The following SMIM9 variants were observed in gnomAD, a reference collection of about 807,000 sequenced individuals.
SMIM9 encodes the protein chromosome X open reading frame 68.
Under a neutral mutation model 7.2 loss-of-function variants are expected in SMIM9, and 8 were observed. That is an observed-to-expected ratio of 1.10 (90% confidence interval 0.65 to 1.99). The LOEUF is 1.99. Ranked by LOEUF, SMIM9 falls within the 30% of genes most tolerant of loss-of-function variation. The pLI is 0.00. For missense variants in SMIM9, 76 were observed against 69.3 expected, an observed-to-expected ratio of 1.10 and a Z score of -0.34; for synonymous variants, 19 against 26.4, an observed-to-expected ratio of 0.72 and a Z score of 0.86.
At chrX:154,830,671 A>C (rs1557270490) in intron 3 of SMIM9, 44 bp downstream of exon 3, 1 of 1,144,018 alleles carries the variant, frequency 8.7e-7, no homozygotes, top group Non-Finnish European at 1.2e-6. Context: ...CATGAATCTT[A>C]AGTCCTATGA....
At chrX:154,832,009 T>A (rs1557270620) in intron 2 of SMIM9, among the ~76,000 whole-genome samples, 1 of 111,440 alleles carries the variant, frequency 9.0e-6, no homozygotes, top group East Asian at 2.8e-4. Context: ...ATCTCCTGAA[T>A]ATAATGTAAG....
At chrX:154,825,574 A>G (rs1326620222) in intron 4 of SMIM9, among the ~76,000 whole-genome samples, 1 of 110,708 alleles carries the variant, frequency 9.0e-6, no homozygotes. Flanking sequence ...TACTGGGTAT[A>G]TACCCAAATG....
Position 154,830,762 on chromosome X carries a change from G to A in SMIM9, c.95C>T (p.Ser32Phe). Residue 32 changes from serine to phenylalanine, a missense_variant, in exon 3 of 5, where the codon TCT becomes TTT. By Grantham distance (155) the Ser-to-Phe change is radical. Transcript: ENST00000369529. The part of the protein sequence containing the change: ...ETVASSPLPL[S>F]ALGIQEKTGS... Reference sequence around the variant, plus strand: ...TGTTTTTTCTTGTATTCCCAAGGCAGACAAAGGCAAAGGAGAGGAAGCTAC... The same window carrying A: ...TGTTTTTTCTTGTATTCCCAAGGCAAACAAAGGCAAAGGAGAGGAAGCTAC... The A allele has an allele frequency of 8.6e-7, 1 of 1,167,814 alleles. No individual in the cohort carries two copies. Among genetic ancestry groups the A allele is most frequent in the African/African-American group, 1.8e-5 (1 of 56,245 alleles).
At chrX:154,825,261 G>A (rs1231609572) in intron 4 of SMIM9, among the ~76,000 whole-genome samples, 4 of 110,452 alleles carry the variant, frequency 3.6e-5, no homozygotes, top group Non-Finnish European at 7.6e-5. Context: ...GCGTGGTGAC[G>A]CGTGCCTGTA....
chrX:154,829,450 C>A, intron 4 of SMIM9, 85 bp downstream of exon 4: 1 of 1,052,814 alleles, frequency 9.5e-7, no homozygotes, highest in South Asian at 2.4e-5. Context: ...TACAGATATG[C>A]AGGCTGGTGA....
chrX:154,824,304 C>T (rs781926912), intron 4 of SMIM9, among the ~76,000 whole-genome samples: 3 of 90,323 alleles, frequency 3.3e-5, no homozygotes, highest in Admixed American at 1.6e-4. Context: ...TGCAGTGAGC[C>T]GAGATCACGC....
intron 4 of SMIM9, 24 bp downstream of exon 4, chrX:154,829,496 CCTCTCTCCTCCCTGT>C: frequency 8.6e-7 from 1 of 1,159,667 alleles, no homozygotes; most frequent in African/African-American, 1.8e-5. Context: ...CTTCACATTC[CCTCTCTCCTCCCTGT>C]CTCTTCTTCC....
chrX:154,830,152 G>C (rs1468183791), intron 3 of SMIM9, among the ~76,000 whole-genome samples: 2 of 111,356 alleles, frequency 1.8e-5, no homozygotes, highest in Non-Finnish European at 1.9e-5. Context: ...TCAATGTAAG[G>C]CTGGGGATGT....
chrX:154,823,916 T>C, intron 4 of SMIM9, 134 bp from the exon 5 acceptor site: 1 of 560,682 alleles, frequency 1.8e-6, no homozygotes, highest in Non-Finnish European at 2.7e-6. Context: ...ACAAAATACT[T>C]TGATGAAAAA....
intron 4 of SMIM9, among the ~76,000 whole-genome samples, chrX:154,824,132 C>T (rs1223429128): frequency 2.7e-5 from 3 of 110,328 alleles, no homozygotes; most frequent in African/African-American, 6.6e-5. Flanking sequence ...CCGAGGCAGG[C>T]AGATCACGAG....
chrX:154,824,203 A>G (rs1013969757), intron 4 of SMIM9, among the ~76,000 whole-genome samples: 26 of 109,037 alleles, frequency 2.4e-4, no homozygotes, highest in Non-Finnish European at 4.4e-4. Context: ...TAAAAATACA[A>G]AAAATTAGCC....
At chrX:154,829,406 C>T in intron 4 of SMIM9, 129 bp downstream of exon 4, 1 of 825,607 alleles carries the variant, frequency 1.2e-6, no homozygotes, top group Non-Finnish European at 1.7e-6. Flanking sequence ...CAGTTTTCCT[C>T]CCAGAATTGA....
chrX:154,824,241 C>T (rs1393300834), intron 4 of SMIM9, among the ~76,000 whole-genome samples: 3 of 108,125 alleles, frequency 2.8e-5, no homozygotes, highest in African/African-American at 1.0e-4. Flanking sequence ...CCTGTAGTCC[C>T]AGCTACTCGG....
intron 2 of SMIM9, among the ~76,000 whole-genome samples, chrX:154,832,158 T>C (rs2072448379): frequency 9.0e-6 from 1 of 111,185 alleles, no homozygotes; most frequent in Non-Finnish European, 1.9e-5. Context: ...ATTTTTCATT[T>C]ACTACATCCA....
rs1444386618 is a variant in SMIM9 at position 154,823,381 on chromosome X, A to G, written c.*374T>C. 2 of 137,901 alleles carry G rather than the reference A, an allele frequency of 1.5e-5. No individual in the cohort carries two copies. The highest frequency in any genetic ancestry group is 8.4e-5 in the Admixed American group (1 of 11,872). 11.4% of individuals were successfully genotyped at this position (137,901 alleles called of 1,213,427 possible). On this transcript the variant is annotated 3_prime_UTR_variant, in exon 5 of 5. Coordinates refer to ENST00000369529, the MANE Select transcript of SMIM9 (RefSeq NM_001162936.4). ...TTGTGACTTTTATTAAAACAGAACT[A>G]TTGTTTCACAGAACAGACTTTGGAA...
Position 154,823,752 on chromosome X carries a change from T to C in SMIM9, c.*3A>G. ...CACTTGCCCTGTTGAATCTTCTAGT[T>C]CTTCAGTGGACTGGATCAACTACAA... On this transcript the variant is annotated 3_prime_UTR_variant, in exon 5 of 5. Transcript: ENST00000369529. 1 of 1,163,215 alleles carries C rather than the reference T, an allele frequency of 8.6e-7. No individual in the cohort carries two copies.
intron 4 of SMIM9, 44 bp from the exon 5 acceptor site, chrX:154,823,826 C>T (rs1557270042): frequency 1.8e-6 from 2 of 1,112,783 alleles, no homozygotes; most frequent in South Asian, 4.3e-5. Flanking sequence ...CACAGAGTTG[C>T]TATATAATTA....
At chrX:154,825,956 A>C (rs2072419951) in intron 4 of SMIM9, among the ~76,000 whole-genome samples, 1 of 107,184 alleles carries the variant, frequency 9.3e-6, no homozygotes. Flanking sequence ...GCATTAGGAG[A>C]TATACCTAAT....
rs192853898 is a variant in SMIM9, at chrX:154,825,513, G to A, written c.273-1731C>T. On this transcript the variant is annotated intron_variant, in intron 4 of 4. Transcript: ENST00000369529. Reference sequence around the variant, plus strand: ...CAACCATTGTGGAAATCGGTGTGGCGATTCCTCAGGGATCTAGAACTAGAA... The same window carrying A: ...CAACCATTGTGGAAATCGGTGTGGCAATTCCTCAGGGATCTAGAACTAGAA... Among the ~76,000 whole-genome samples, 826 of 110,903 alleles carry A rather than the reference G, an allele frequency of 7.4e-3. 2 individuals are homozygous for A. The highest frequency in any genetic ancestry group is 0.012 in the Non-Finnish European group (614 of 52,909).
Sources: allele counts gnomAD v4.1 joint callset (sites outside exome capture counted in the v4.1 genomes callset), GRCh38; gene constraint gnomAD v4.1.1; transcripts MANE v1.5; gene names NCBI Gene and HGNC (gene_info 2026-07-23, HGNC 2026-07-21).